SNX13: variants seen among roughly 807,000 people sequenced by gnomAD.
The protein encoded by SNX13 is sorting nexin-13.
A neutral mutation model predicts 133.6 loss-of-function variants in SNX13; 45 were observed. The ratio of observed to expected loss-of-function variants is 0.34; its 90% CI spans 0.27 to 0.43. The LOEUF (loss-of-function observed/expected upper bound fraction) is 0.43, where lower values mean the gene tolerates loss of function less well. Among genes scored for constraint, SNX13 ranks in the 20% least tolerant of loss-of-function variants. The pLI is 1.00. For synonymous variants in SNX13, 414 were observed against 373.9 expected, an observed-to-expected ratio of 1.11 and a Z score of -1.24; for missense variants, 1,032 against 1,145.1, an observed-to-expected ratio of 0.90 and a Z score of 1.43.
intron 9 of SNX13, among the ~76,000 whole-genome samples, chr7:17,854,060 C>T (rs1031722143): frequency 2.0e-5 from 3 of 151,936 alleles, no homozygotes; most frequent in Non-Finnish European, 4.4e-5. Flanking sequence ...TTTGTACCTA[C>T]AAAAAAGAAT....
chr7:17,896,318 G>A (rs1388707830), intron 2 of SNX13, among the ~76,000 whole-genome samples: 1 of 152,074 alleles, frequency 6.6e-6, no homozygotes, highest in East Asian at 1.9e-4. Flanking sequence ...ACAGTTTTAT[G>A]GAGAGTCCTT....
intron 17 of SNX13, 90 bp downstream of exon 17, chr7:17,825,932 A>C (rs1174924106): frequency 2.2e-6 from 2 of 893,994 alleles, no homozygotes; most frequent in East Asian, 2.7e-5. Context: ...AGAACAAAAA[A>C]ATGGTTAGTA....
At chr7:17,815,747 G>C (rs1355063350) in intron 19 of SNX13, among the ~76,000 whole-genome samples, 1 of 152,136 alleles carries the variant, frequency 6.6e-6, no homozygotes, top group Non-Finnish European at 1.5e-5. Context: ...AACAAGTTTT[G>C]ACATACTGAG....
chr7:17,877,645 T>C (rs1181661302), intron 5 of SNX13, among the ~76,000 whole-genome samples: 2 of 152,084 alleles, frequency 1.3e-5, no homozygotes, highest in Non-Finnish European at 2.9e-5. Context: ...ATTTTACCAA[T>C]TTAGAAGACA....
At chr7:17,852,598 T>C (rs1441978540) in intron 9 of SNX13, among the ~76,000 whole-genome samples, 1 of 152,090 alleles carries the variant, frequency 6.6e-6, no homozygotes, top group Non-Finnish European at 1.5e-5. Flanking sequence ...TCTTATAAAG[T>C]TTTGCTGTAA....
chr7:17,800,080 A>G (rs1784453866), intron 22 of SNX13, among the ~76,000 whole-genome samples: 2 of 151,748 alleles, frequency 1.3e-5, no homozygotes, highest in African/African-American at 4.8e-5. Context: ...CCATTTCATT[A>G]CTGAGACAGA....
intron 9 of SNX13, among the ~76,000 whole-genome samples, chr7:17,863,367 G>A (rs1792976212): frequency 6.6e-6 from 1 of 152,088 alleles, no homozygotes; most frequent in Non-Finnish European, 1.5e-5. Context: ...CAGAGTGTCT[G>A]TGTCATCCCT....
intron 1 of SNX13, among the ~76,000 whole-genome samples, chr7:17,923,009 A>G (rs548162609): frequency 2.3e-4 from 35 of 152,342 alleles, no homozygotes; most frequent in Non-Finnish European, 2.4e-4. Context: ...ATTGCAAATA[A>G]TATTTTATTT....
At chr7:17,921,287 C>T (rs1174033873) in intron 1 of SNX13, among the ~76,000 whole-genome samples, 3 of 152,170 alleles carry the variant, frequency 2.0e-5, no homozygotes, top group Non-Finnish European at 4.4e-5. Context: ...GCCTTGTTAT[C>T]CTTGTTCATC....
At chr7:17,911,964 T>C (rs575037762) in intron 1 of SNX13, among the ~76,000 whole-genome samples, 1 of 152,350 alleles carries the variant, frequency 6.6e-6, no homozygotes, top group African/African-American at 2.4e-5. Context: ...TCACTAAATG[T>C]TGGCATTCTA....
chr7:17,817,266 G>A (rs1786768001), intron 18 of SNX13, among the ~76,000 whole-genome samples: 1 of 152,076 alleles, frequency 6.6e-6, no homozygotes. Flanking sequence ...TTAACCATAC[G>A]AGCTGCTAAA....
At chr7:17,835,208 A>G (rs994921306) in intron 13 of SNX13, among the ~76,000 whole-genome samples, 3 of 151,938 alleles carry the variant, frequency 2.0e-5, no homozygotes, top group Non-Finnish European at 2.9e-5. Context: ...AAAGATCTAT[A>G]TAAGATATAT....
intron 18 of SNX13, among the ~76,000 whole-genome samples, chr7:17,818,822 T>C (rs1190706840): frequency 1.3e-5 from 2 of 152,336 alleles, no homozygotes; most frequent in Middle Eastern, 3.4e-3. Context: ...AAAGAACAGA[T>C]GTGAAATTCT....
intron 15 of SNX13, chr7:17,832,126 T>C (rs575948709): frequency 9.6e-5 from 94 of 984,036 alleles, no homozygotes; most frequent in Non-Finnish European, 1.1e-4. Flanking sequence ...GGTTACTCAA[T>C]AACTGATATA....
intron 20 of SNX13, among the ~76,000 whole-genome samples, chr7:17,805,267 A>ATGTGTGTG (rs1785161406): frequency 3.5e-5 from 2 of 56,354 alleles, no homozygotes; most frequent in African/African-American, 5.8e-5. Flanking sequence ...GCGCGCGCGC[A>ATGTGTGTG]TGCATGCACA....
chr7:17,903,158 G>C (rs1035105284), intron 1 of SNX13, among the ~76,000 whole-genome samples: 2 of 152,098 alleles, frequency 1.3e-5, no homozygotes, highest in African/African-American at 2.4e-5. Context: ...CTGTGAATTG[G>C]AAGAAACTCT....
intron 12 of SNX13, among the ~76,000 whole-genome samples, chr7:17,843,741 A>T (rs1437438366): frequency 6.6e-6 from 1 of 152,040 alleles, no homozygotes; most frequent in Non-Finnish European, 1.5e-5. Flanking sequence ...AATGGGATAA[A>T]ATTATAAAAC....
chr7:17,881,092 A>G (rs1795283261), intron 5 of SNX13: 1 of 152,164 alleles, frequency 6.6e-6, no homozygotes, highest in East Asian at 1.9e-4. Context: ...TCCACAGAAA[A>G]CAATCCTATA....
chr7:17,875,797 A>G lies in SNX13; in HGVS notation c.441-7T>C. ...CCAGTCTATTTCTTTTGACCTTATAAAAAACACATTACATAAAAGGATTAT... is the reference window on the plus strand; with the variant it reads ...CCAGTCTATTTCTTTTGACCTTATAGAAAACACATTACATAAAAGGATTAT... On this transcript the variant is annotated splice_region_variant and splice_polypyrimidine_tract_variant and intron_variant, in intron 5 of 25. Transcript: ENST00000428135. 6.3e-7 allele frequency: 1 copy of G among 1,577,242 alleles called. No homozygotes were observed. The highest frequency in any genetic ancestry group is 8.6e-7 in the Non-Finnish European group (1 of 1,161,334).
Sources: gnomAD v4.1 joint callset for allele counts (sites outside exome capture counted in the v4.1 genomes callset) on GRCh38, gnomAD v4.1.1 for gene constraint, MANE v1.5 for transcripts, NCBI Gene and HGNC (gene_info 2026-07-23, HGNC 2026-07-21) for gene names.